KRT1: variants seen among roughly 807,000 people sequenced by gnomAD.
The protein encoded by KRT1 is keratin, type II cytoskeletal 1.
Under a neutral mutation model 51.6 loss-of-function variants are expected in KRT1, and 28 were observed. The ratio of observed to expected loss-of-function variants is 0.54; its 90% CI spans 0.40 to 0.74. KRT1 has a LOEUF of 0.74. Ranked by LOEUF, KRT1 falls within the 30% of genes least tolerant of loss-of-function variation. KRT1 has a pLI of 0.00. For missense variants in KRT1, 783 were observed against 815.5 expected, an observed-to-expected ratio of 0.96 and a Z score of 0.49; for synonymous variants, 301 against 307.7, an observed-to-expected ratio of 0.98 and a Z score of 0.23.
At position 52,679,742 on chromosome 12, in the gene KRT1, T is replaced by C. The variant is rs777283221; in HGVS notation, c.591+16A>G. 5.5e-5 allele frequency: 89 copies of C among 1,610,834 alleles called. No individual in the cohort carries two copies. Among genetic ancestry groups the C allele is most frequent in the Non-Finnish European group, 4.4e-5 (52 of 1,177,114 alleles). The stretch of plus-strand genomic sequence containing the variant: ...ACCAGCGGCAGCCCTACCAGTGCAA[T>C]GAGAGAGAAACTCACCTTGTCAATG... On this transcript the variant is annotated intron_variant, in intron 1 of 8. Transcript: ENST00000252244.
intron 6 of KRT1, 40 bp from the exon 7 acceptor site, chr12:52,676,535 C>G: frequency 1.3e-6 from 2 of 1,598,258 alleles, no homozygotes; most frequent in South Asian, 2.2e-5. Flanking sequence ...TATGCATTCC[C>G]CACTAGGCCT....
chr12:52,678,424 T>C, intron 2 of KRT1, 118 bp downstream of exon 2: 1 of 1,133,750 alleles, frequency 8.8e-7, no homozygotes, highest in Non-Finnish European at 1.3e-6. Context: ...AATGTCAAAC[T>C]GATGTGCCTC....
At chr12:52,679,609 C>T in intron 1 of KRT1, 149 bp downstream of exon 1, 1 of 758,278 alleles carries the variant, frequency 1.3e-6, no homozygotes, top group Admixed American at 2.1e-5. Context: ...AAGCATACAT[C>T]TAACATATCT....
rs779092761 is a variant in KRT1, at chr12:52,676,388, G to A, written c.1362C>T (p.Ala454=). ...LNDLEDALQQ[A]KEDLARLLRD... ...GCAGCAGGCGGGCCAGGTCTTCCTTGGCCTGCTGCAGGGCATCCTCCAGGT... is the reference window on the plus strand; with the variant it reads ...GCAGCAGGCGGGCCAGGTCTTCCTTAGCCTGCTGCAGGGCATCCTCCAGGT... The change falls in exon 7 of 9, where the codon GCC becomes GCT. Residue 454 remains alanine, a synonymous_variant. Transcript: ENST00000252244. The A allele has an allele frequency of 6.2e-7, 1 of 1,614,124 alleles. No individual in the cohort carries two copies.
rs531638326 is a variant in KRT1 at position 52,676,223 on chromosome 12, C to T, written c.1475+52G>A. 4 of 1,438,718 alleles carry T rather than the reference C, an allele frequency of 2.8e-6. No homozygotes were observed. The Admixed American group carries it at 7.0e-5, about 25-fold the overall frequency. 89.1% of individuals were successfully genotyped at this position (1,438,718 alleles called of 1,614,324 possible). On this transcript the variant is annotated intron_variant, in intron 7 of 8. Transcript: ENST00000252244. Reference sequence around the variant, plus strand: ...TGCATCTTCAACAACAATCAGCTTGCAAGGAAGGAAGACCATGAGAAGAGG... The same window carrying T: ...TGCATCTTCAACAACAATCAGCTTGTAAGGAAGGAAGACCATGAGAAGAGG...
Position 52,679,968 on chromosome 12 carries a change from A to T in KRT1, c.381T>A (p.Gly127=). ...CCCCAAAGCCACCTCCACCAAAACC[A>T]CCACCACCACTGCCAAAACCACCAA... ...GGFGGFGSGG[G]GFGGGGFGGG... Residue 127 remains glycine (G), a synonymous_variant, in exon 1 of 9, where the codon GGT becomes GGA. Coordinates refer to ENST00000252244, the MANE Select transcript of KRT1 (RefSeq NM_006121.4). The T allele has an allele frequency of 6.2e-7, 1 of 1,609,804 alleles. No individual in the cohort carries two copies. Among genetic ancestry groups the T allele is most frequent in the Non-Finnish European group, 8.5e-7 (1 of 1,178,088 alleles).
rs976139804 is a variant in KRT1 at position 52,675,824 on chromosome 12, AAG to A, written c.1476-82_1476-81del. 2.7e-5 allele frequency: 42 copies of A among 1,527,832 alleles called. No individual in the cohort carries two copies. The African/African-American group carries it at 5.1e-4, about 18-fold the overall frequency. 94.6% of individuals were successfully genotyped at this position (1,527,832 alleles called of 1,614,324 possible). A position where few individuals can be genotyped will look rare whatever the true frequency, so the allele number is the denominator to read the frequency against. On this transcript the variant is annotated intron_variant, in intron 7 of 8. Coordinates refer to ENST00000252244, the MANE Select transcript of KRT1 (RefSeq NM_006121.4). ...CCCCATTCCCCGCTCCACCACCTTG[AAG>A]ACTTTCCCCATCTGGGTCTTCTCCA...
intron 5 of KRT1, 44 bp downstream of exon 5, chr12:52,677,272 A>G (rs1336495851): frequency 1.2e-6 from 2 of 1,614,090 alleles, no homozygotes; most frequent in African/African-American, 2.7e-5. Context: ...GGATAGCAAG[A>G]CAAGCCATTT....
rs1161782136 is a variant in KRT1 at position 52,678,837 on chromosome 12, A to G, written c.592-81T>C. On this transcript the variant is annotated intron_variant, in intron 1 of 8. Transcript: ENST00000252244. Reference sequence around the variant, plus strand: ...GAGAACTGTGCCTCATTTGGAAAAGAACCTCAATTCCTATCTTCTGACCAT... The same window carrying G: ...GAGAACTGTGCCTCATTTGGAAAAGGACCTCAATTCCTATCTTCTGACCAT... The G allele has an allele frequency of 2.5e-6, 3 of 1,201,724 alleles. No homozygotes were observed. The African/African-American group carries it at 4.5e-5, about 18-fold the overall frequency. The allele number at this position is 1,201,724 out of a possible 1,614,324, so 74.4% of individuals were successfully genotyped here. A position where few individuals can be genotyped will look rare whatever the true frequency, so the allele number is the denominator to read the frequency against.
chr12:52,678,775 T>G lies in KRT1; in HGVS notation c.592-19A>C, dbSNP rs1329772998. 1.2e-6 allele frequency: 2 copies of G among 1,608,264 alleles called. No individual in the cohort carries two copies. The highest frequency in any genetic ancestry group is 1.7e-6 in the Non-Finnish European group (2 of 1,176,258). ...ACCTCACCTAAAAACACAAGACCCC[T>G]TTACTCCTGATGCATAAATGGAGTC... On this transcript the variant is annotated intron_variant, in intron 1 of 8. Coordinates refer to ENST00000252244, the MANE Select transcript of KRT1 (RefSeq NM_006121.4).
intron 4 of KRT1, 56 bp downstream of exon 4, chr12:52,677,594 G>T: frequency 6.2e-7 from 1 of 1,603,344 alleles, no homozygotes; most frequent in Non-Finnish European, 8.5e-7. Flanking sequence ...ATCGTTGTGG[G>T]TTCAGGCTTA....
At chr12:52,676,190 C>A (rs1392472268) in intron 7 of KRT1, 85 bp downstream of exon 7, 1 of 1,129,432 alleles carries the variant, frequency 8.9e-7, no homozygotes, top group South Asian at 1.3e-5. Flanking sequence ...AAGCTGCAAT[C>A]AGATGGCTGC....
At position 52,679,816 on chromosome 12, in the gene KRT1, G is replaced by A. The variant is rs757213853; in HGVS notation, c.533C>T (p.Ser178Phe). 1 of 1,614,132 alleles carries A rather than the reference G, an allele frequency of 6.2e-7. No individual in the cohort carries two copies. ...EIDPEIQKVK[S>F]REREQIKSLN... ...TGACTTGATTTGCTCCCTTTCTCGA[G>A]ACTTCACCTTTTGGATCTCAGGGTC... is the stretch of plus-strand genomic sequence containing the variant. Residue 178 changes from serine (S) to phenylalanine (F), a missense_variant, in exon 1 of 9, where the codon TCT becomes TTT. By Grantham distance (155) the Ser-to-Phe change is radical. Transcript: ENST00000252244.
rs61616632 is a variant in KRT1 at position 52,678,725 on chromosome 12, A to C, written c.623T>G (p.Leu208Arg). The C allele has an allele frequency of 6.2e-7, 1 of 1,614,092 alleles. No homozygotes were observed. The highest frequency in any genetic ancestry group is 1.3e-5 in the African/African-American group (1 of 74,946). The change falls in exon 2 of 9, where the codon CTG (leucine) becomes CGG (arginine). Residue 208 changes from leucine to arginine, a missense_variant. Physicochemically the swap from Leu to Arg is moderately radical, Grantham distance 102 (BLOSUM62 -2). Coordinates refer to ENST00000252244, the MANE Select transcript of KRT1 (RefSeq NM_006121.4). The stretch of plus-strand genomic sequence containing the variant: ...CTGCAGCAGCTCCCATTTTGTTTGC[A>C]GTACCTGGTTCTGCTGCTCCAGGAA... ...VRFLEQQNQV[L>R]QTKWELLQQV...
Position 52,675,514 on chromosome 12 carries a change from G to C in KRT1, c.1614C>G (p.Ser538Arg). Residue 538 changes from serine (S) to arginine (R), a missense_variant, in exon 9 of 9, where the codon AGC (serine) becomes AGG (arginine). By Grantham distance (110) the Ser-to-Arg change is moderately radical. Coordinates refer to ENST00000252244, the MANE Select transcript of KRT1 (RefSeq NM_006121.4). ...CGCCGCCGCCACCTCCAGAACCATA[G>C]CTACCACCTCCGGAGCCATAGCTGC... ...GGSSYGSGGGSYGSGGGGGGG... is the reference protein window; with the variant it reads ...GGSSYGSGGGRYGSGGGGGGG... 1 of 1,604,388 alleles carries C rather than the reference G, an allele frequency of 6.2e-7. No homozygotes were observed. The highest frequency in any genetic ancestry group is 1.1e-5 in the South Asian group (1 of 90,232).
At position 52,676,363 on chromosome 12, in the gene KRT1, G is replaced by A. The variant is rs757504428; in HGVS notation, c.1387C>T (p.Arg463Cys). The A allele has an allele frequency of 6.2e-6, 10 of 1,614,058 alleles. No homozygotes were observed. The highest frequency in any genetic ancestry group is 5.5e-5 in the South Asian group (5 of 91,086). The change falls in exon 7 of 9, where the codon CGC (arginine) becomes TGC (cysteine). Residue 463 changes from arginine (R) to cysteine (C), a missense_variant. Transcript: ENST00000252244. ...QAKEDLARLL[R>C]DYQELMNTKL... ...GTGTTCATCAGCTCCTGGTAGTCGCGCAGCAGGCGGGCCAGGTCTTCCTTG... is the reference window on the plus strand; with the variant it reads ...GTGTTCATCAGCTCCTGGTAGTCGCACAGCAGGCGGGCCAGGTCTTCCTTG...
intron 7 of KRT1, 82 bp downstream of exon 7, chr12:52,676,193 A>G: frequency 8.7e-7 from 1 of 1,148,840 alleles, no homozygotes. Context: ...CTGCAATCAG[A>G]TGGCTGCATC....
At position 52,680,109 on chromosome 12, in the gene KRT1, C is replaced by A; in HGVS notation, c.240G>T (p.Val80=). The change falls in exon 1 of 9, where the codon GTG becomes GTT. Residue 80 remains valine (V), a synonymous_variant. Transcript: ENST00000252244. ...CACTACCACGTCCACCTCCTCTAGCCACACTTATGGAGATGCTTTTACTGC... is the reference window on the plus strand; with the variant it reads ...CACTACCACGTCCACCTCCTCTAGCAACACTTATGGAGATGCTTTTACTGC... The part of the protein sequence containing the change: ...LGGSKSISIS[V]ARGGGRGSGF... The A allele has an allele frequency of 3.8e-6, 6 of 1,563,134 alleles. No individual in the cohort carries two copies. The highest frequency in any genetic ancestry group is 5.2e-6 in the Non-Finnish European group (6 of 1,153,746).
chr12:52,680,225 C>A lies in KRT1; in HGVS notation c.124G>T (p.Gly42Cys), dbSNP rs1285382713. The A allele has an allele frequency of 1.2e-6, 2 of 1,614,202 alleles. No individual in the cohort carries two copies. Among genetic ancestry groups the A allele is most frequent in the Non-Finnish European group, 1.7e-6 (2 of 1,180,022 alleles). Residue 42 changes from glycine (G) to cysteine (C), a missense_variant, in exon 1 of 9, where the codon GGT (glycine) becomes TGT (cysteine). Gly to Cys is a radical substitution (Grantham distance 159). Transcript: ENST00000252244. ...CCACAGCTTGAAAATCTCCCACCAC[C>A]TCCTCCACTGCGGCGTGTGGAGCTG... The part of the protein sequence containing the change: ...TSSSTRRSGG[G>C]GGRFSSCGGG...
Sources: gnomAD v4.1 joint callset for allele counts on GRCh38, gnomAD v4.1.1 for gene constraint, MANE v1.5 for transcripts, NCBI Gene and HGNC (gene_info 2026-07-23, HGNC 2026-07-21) for gene names.